CPNE4: variants seen among roughly 807,000 people sequenced by gnomAD.
The protein encoded by CPNE4 is copine-4.
CPNE4 carries 25 observed loss-of-function variants against 67.9 expected under a neutral mutation model. That is an observed-to-expected ratio of 0.37 (90% CI 0.27 to 0.51). The LOEUF is 0.51. Among genes scored for constraint, CPNE4 ranks in the 20% least tolerant of loss-of-function variants. The pLI is 0.93. For synonymous variants in CPNE4, 242 were observed against 244.9 expected (o/e 0.99, Z 0.11); for missense variants, 464 against 690.8 (o/e 0.67, Z 3.68).
chr3:131,857,992 AGTC>A (rs1161930159), intron 2 of CPNE4, among the ~76,000 whole-genome samples: 1 of 152,170 alleles, frequency 6.6e-6, no homozygotes, highest in African/African-American at 2.4e-5. Flanking sequence ...TATGCAAATA[AGTC>A]TTCTTGACAA....
intron 2 of CPNE4, among the ~76,000 whole-genome samples, chr3:131,754,496 A>G (rs1232891998): frequency 6.6e-6 from 1 of 152,142 alleles, no homozygotes; most frequent in African/African-American, 2.4e-5. Context: ...TTAAAAATAT[A>G]CCTTAAGTCA....
intron 3 of CPNE4, among the ~76,000 whole-genome samples, chr3:131,705,408 T>C (rs879567061): frequency 1.3e-5 from 2 of 152,128 alleles, no homozygotes; most frequent in Non-Finnish European, 2.9e-5. Context: ...AAGGGAGAAT[T>C]GCATGTAAAA....
intron 5 of CPNE4, among the ~76,000 whole-genome samples, chr3:131,695,074 G>A (rs2081119673): frequency 2.0e-5 from 3 of 152,188 alleles, no homozygotes; most frequent in African/African-American, 7.2e-5. Flanking sequence ...TGATCTTTAT[G>A]TTATCATTTT....
At chr3:131,796,099 A>G (rs1289143542) in intron 2 of CPNE4, among the ~76,000 whole-genome samples, 1 of 151,948 alleles carries the variant, frequency 6.6e-6, no homozygotes, top group Admixed American at 6.6e-5. Context: ...TGGACTCAGC[A>G]CCAAATAAGG....
chr3:131,719,692 G>C (rs1159978767), intron 3 of CPNE4, among the ~76,000 whole-genome samples: 1 of 152,180 alleles, frequency 6.6e-6, no homozygotes, highest in Non-Finnish European at 1.5e-5. Flanking sequence ...CATAGATAGA[G>C]TGGGTCCCAG....
At chr3:132,036,047 C>T (rs2074332927), upstream of CPNE4, among the ~76,000 whole-genome samples, 1 of 152,120 alleles carries the variant, frequency 6.6e-6, no homozygotes, top group African/African-American at 2.4e-5. Flanking sequence ...GAGGAAGACC[C>T]CCTCTTAATT....
chr3:131,757,009 G>A (rs1439336207), intron 2 of CPNE4, among the ~76,000 whole-genome samples: 1 of 152,178 alleles, frequency 6.6e-6, no homozygotes, highest in African/African-American at 2.4e-5. Context: ...GGCCTCCCCA[G>A]CCATGTGGAA....
chr3:131,671,673 CAGG>C (rs1273840074), intron 6 of CPNE4, among the ~76,000 whole-genome samples: 1 of 152,086 alleles, frequency 6.6e-6, no homozygotes, highest in Non-Finnish European at 1.5e-5. Context: ...TTCTTGGGAA[CAGG>C]AGAATTTACC....
intron 7 of CPNE4, among the ~76,000 whole-genome samples, chr3:131,655,940 A>C (rs572387209): frequency 2.6e-5 from 4 of 152,182 alleles, no homozygotes; most frequent in African/African-American, 4.8e-5. Context: ...AAAGGACCTG[A>C]CATTTAGAAA....
intron 7 of CPNE4, among the ~76,000 whole-genome samples, chr3:131,596,953 C>G (rs1052782989): frequency 6.6e-6 from 1 of 152,184 alleles, no homozygotes; most frequent in Non-Finnish European, 1.5e-5. Context: ...TCACCTCTTC[C>G]CTGGTTTTCA....
In CPNE4 at chr3:131,904,786, T is replaced by C. The variant is rs190829449; in HGVS notation, c.180+478A>G. 5.9e-5 allele frequency among the ~76,000 whole-genome samples: 9 copies of C among 152,262 alleles called. No individual in the cohort carries two copies. In the East Asian group the frequency reaches 1.7e-3, roughly 29 times the overall value. ...TGTCATCTACTGAGCTCATTCCATC[T>C]GAGTAGTCACTTCTCTCTCAACCCC... is the stretch of plus-strand genomic sequence containing the variant. On this transcript the variant is annotated intron_variant, in intron 2 of 15. Coordinates refer to ENST00000429747, the MANE Select transcript of CPNE4 (RefSeq NM_130808.3).
At chr3:131,764,906 C>T (rs898723517) in intron 2 of CPNE4, among the ~76,000 whole-genome samples, 1 of 152,060 alleles carries the variant, frequency 6.6e-6, no homozygotes, top group African/African-American at 2.4e-5. Flanking sequence ...GACCTCCTGT[C>T]AATGACCTGG....
intron 2 of CPNE4, among the ~76,000 whole-genome samples, chr3:131,747,646 G>A (rs966119167): frequency 2.0e-5 from 3 of 152,018 alleles, no homozygotes; most frequent in Non-Finnish European, 4.4e-5. Context: ...AGCTGGGATT[G>A]CAGGCATGTA....
chr3:131,839,286 G>A (rs555273203), intron 2 of CPNE4, among the ~76,000 whole-genome samples: 12 of 151,804 alleles, frequency 7.9e-5, no homozygotes, highest in East Asian at 3.9e-4. Context: ...CAAAAAAATC[G>A]TGTTATGTCC....
At chr3:131,780,059 G>T (rs767689845) in intron 2 of CPNE4, among the ~76,000 whole-genome samples, 97 of 152,186 alleles carry the variant, frequency 6.4e-4, no homozygotes, top group Middle Eastern at 3.4e-3. Context: ...CATACATGCA[G>T]CTAACAGGCA....
intron 2 of CPNE4, among the ~76,000 whole-genome samples, chr3:131,746,900 G>A (rs532909282): frequency 1.4e-3 from 215 of 152,044 alleles, no homozygotes; most frequent in Middle Eastern, 6.8e-3. Flanking sequence ...AGTGTATAAG[G>A]GTTTCCTTTC....
At chr3:131,546,558 T>C (rs1038320950) in intron 14 of CPNE4, among the ~76,000 whole-genome samples, 3 of 152,286 alleles carry the variant, frequency 2.0e-5, no homozygotes, top group Non-Finnish European at 4.4e-5. Context: ...GAAAAGCTTA[T>C]GTTCTTGGTC....
At chr3:132,018,172 G>T (rs75355897) in intron 1 of CPNE4, among the ~76,000 whole-genome samples, 1 of 17,594 alleles carries the variant, frequency 5.7e-5, no homozygotes, top group East Asian at 4.5e-4. Context: ...TTTTAAAAAA[G>T]AATTTTGCCA....
At chr3:131,729,725 G>C (rs879441173) in intron 2 of CPNE4, among the ~76,000 whole-genome samples, 34 of 152,306 alleles carry the variant, frequency 2.2e-4, no homozygotes, top group East Asian at 9.6e-4. Context: ...CCATTTCTGT[G>C]TGATATGTCT....
Sources: gnomAD v4.1 joint callset for allele counts (sites outside exome capture counted in the v4.1 genomes callset) on GRCh38, gnomAD v4.1.1 for gene constraint, MANE v1.5 for transcripts, NCBI Gene and HGNC (gene_info 2026-07-23, HGNC 2026-07-21) for gene names.